The following CADPS variants were observed in gnomAD, a reference collection of about 807,000 sequenced individuals.
The protein encoded by CADPS is calcium-dependent secretion activator 1.
CADPS carries 57 observed loss-of-function variants against 167.3 expected under a neutral mutation model. That is an observed-to-expected ratio of 0.34 (90% confidence interval 0.28 to 0.42). The LOEUF (loss-of-function observed/expected upper bound fraction) is 0.42, where lower values mean the gene tolerates loss of function less well. Among genes scored for constraint, CADPS ranks in the 20% least tolerant of loss-of-function variants. The pLI is 1.00. For missense variants in CADPS, 1,414 were observed against 1,738.1 expected (o/e 0.81, Z 3.32); for synonymous variants, 676 against 635.3 (o/e 1.06, Z -0.96).
At chr3:62,825,038 A>C (rs148447540) in intron 1 of CADPS, among the ~76,000 whole-genome samples, 1 of 152,198 alleles carries the variant, frequency 6.6e-6, no homozygotes, top group Non-Finnish European at 1.5e-5. Flanking sequence ...AAAGAAAATC[A>C]CTGTCATACT....
At chr3:62,631,970 A>T (rs1312235061) in intron 6 of CADPS, among the ~76,000 whole-genome samples, 1 of 152,220 alleles carries the variant, frequency 6.6e-6, no homozygotes, top group Non-Finnish European at 1.5e-5. Flanking sequence ...AAGGTGACCA[A>T]CTGTCTGTTT....
At chr3:62,704,929 A>G (rs1000118708) in intron 3 of CADPS, among the ~76,000 whole-genome samples, 2 of 152,254 alleles carry the variant, frequency 1.3e-5, no homozygotes, top group South Asian at 4.1e-4. Context: ...ACCATATGGG[A>G]GAATGCCCCC....
At chr3:62,557,546 C>A in intron 9 of CADPS, 33 bp from the exon 10 acceptor site, 6 of 1,524,462 alleles carry the variant, frequency 3.9e-6, no homozygotes, top group Non-Finnish European at 5.5e-6. Context: ...GAGGTTGACC[C>A]CTGGAGCCTG....
intron 17 of CADPS, among the ~76,000 whole-genome samples, chr3:62,510,422 G>A (rs1251599028): frequency 1.3e-5 from 2 of 152,300 alleles, no homozygotes; most frequent in South Asian, 2.1e-4. Context: ...CAATAGTAGT[G>A]TAGACTTTCT....
At chr3:62,464,597 A>C (rs1560731666) in intron 26 of CADPS, among the ~76,000 whole-genome samples, 1 of 152,138 alleles carries the variant, frequency 6.6e-6, no homozygotes, top group Non-Finnish European at 1.5e-5. Flanking sequence ...TATCCATAGA[A>C]AATAAGGCTG....
At chr3:62,794,891 T>C (rs2093284378) in intron 1 of CADPS, among the ~76,000 whole-genome samples, 1 of 151,602 alleles carries the variant, frequency 6.6e-6, no homozygotes, top group Non-Finnish European at 1.5e-5. Context: ...GTCTTGCACA[T>C]CAGTTTGGAG....
At chr3:62,706,535 T>C (rs893450498) in intron 3 of CADPS, among the ~76,000 whole-genome samples, 15 of 152,084 alleles carry the variant, frequency 9.9e-5, no homozygotes, top group Admixed American at 8.5e-4. Context: ...TGTCTCCCAA[T>C]ACTGGGCTGG....
intron 6 of CADPS, among the ~76,000 whole-genome samples, chr3:62,610,119 A>C (rs1466877706): frequency 2.6e-5 from 4 of 152,214 alleles, no homozygotes; most frequent in Middle Eastern, 6.8e-3. Context: ...CCAGAAAAAA[A>C]AACAACAAAA....
chr3:62,646,912 T>C (rs1223335057), intron 5 of CADPS, among the ~76,000 whole-genome samples: 1 of 152,194 alleles, frequency 6.6e-6, no homozygotes, highest in Non-Finnish European at 1.5e-5. Context: ...TGCATAGTCT[T>C]TGGTCCAGAC....
At chr3:62,827,995 C>T (rs2152971283) in intron 1 of CADPS, among the ~76,000 whole-genome samples, 1 of 152,264 alleles carries the variant, frequency 6.6e-6, no homozygotes, top group Non-Finnish European at 1.5e-5. Context: ...AAATTGCCTA[C>T]AGCACTGTGT....
intron 28 of CADPS, among the ~76,000 whole-genome samples, chr3:62,431,440 C>T (rs1316742098): frequency 6.6e-6 from 1 of 151,906 alleles, no homozygotes; most frequent in Non-Finnish European, 1.5e-5. Flanking sequence ...GTTTTCCTTA[C>T]ATACAGAGAA....
At chr3:62,472,458 A>C (rs1487529653) in intron 24 of CADPS, among the ~76,000 whole-genome samples, 1 of 152,204 alleles carries the variant, frequency 6.6e-6, no homozygotes, top group Non-Finnish European at 1.5e-5. Context: ...TTTTGAGATC[A>C]CCAAAAACAG....
chr3:62,694,625 T>C (rs746794852), intron 3 of CADPS, among the ~76,000 whole-genome samples: 1 of 152,120 alleles, frequency 6.6e-6, no homozygotes, highest in Non-Finnish European at 1.5e-5. Context: ...CACTACCTTA[T>C]GGACTCACAG....
intron 8 of CADPS, among the ~76,000 whole-genome samples, chr3:62,581,725 C>G (rs957865013): frequency 1.2e-4 from 18 of 151,724 alleles, no homozygotes; most frequent in African/African-American, 4.1e-4. Context: ...AGAAAAATGT[C>G]AAGGATTACT....
intron 7 of CADPS, among the ~76,000 whole-genome samples, chr3:62,587,676 G>A (rs1157299899): frequency 5.3e-5 from 8 of 152,206 alleles, no homozygotes; most frequent in African/African-American, 1.9e-4. Context: ...TCGCCATATG[G>A]ATTCTGGGCG....
intron 22 of CADPS, among the ~76,000 whole-genome samples, chr3:62,479,653 C>T (rs2061729074): frequency 6.6e-6 from 1 of 152,216 alleles, no homozygotes; most frequent in Non-Finnish European, 1.5e-5. Flanking sequence ...ACAGACCAGT[C>T]TGAGGTCAGT....
intron 28 of CADPS, among the ~76,000 whole-genome samples, chr3:62,436,998 A>G (rs1000978474): frequency 3.9e-5 from 6 of 152,088 alleles, no homozygotes; most frequent in Admixed American, 2.6e-4. Context: ...TGGAACAAAA[A>G]CACACACACA....
chr3:62,846,517 TTGGTC>T (rs1418144271), intron 1 of CADPS, among the ~76,000 whole-genome samples: 1 of 152,248 alleles, frequency 6.6e-6, no homozygotes, highest in Non-Finnish European at 1.5e-5. Flanking sequence ...CCTTATCTGG[TTGGTC>T]TGAAGTACAG....
At chr3:62,789,198 G>T (rs1335506586) in intron 1 of CADPS, among the ~76,000 whole-genome samples, 2 of 152,106 alleles carry the variant, frequency 1.3e-5, no homozygotes, top group Non-Finnish European at 2.9e-5. Flanking sequence ...AGCTAGAGTT[G>T]GTGCCAAGAG....
Sources: allele counts gnomAD v4.1 joint callset (sites outside exome capture counted in the v4.1 genomes callset), GRCh38; gene constraint gnomAD v4.1.1; transcripts MANE v1.5; gene names NCBI Gene and HGNC (gene_info 2026-07-23, HGNC 2026-07-21).